RASA3: variants seen among roughly 807,000 people sequenced by gnomAD.
RASA3 encodes RAS p21 protein activator 3.
Under a neutral mutation model 110.0 loss-of-function variants are expected in RASA3, and 73 were observed. That is an observed-to-expected ratio of 0.66 (90% CI 0.55 to 0.81). RASA3 has a LOEUF of 0.81. Among genes scored for constraint, RASA3 ranks in the 30% least tolerant of loss-of-function variants. The pLI is 0.00. For missense variants in RASA3, 976 were observed against 1,113.2 expected (o/e 0.88, Z 1.75); for synonymous variants, 500 against 451.4 (o/e 1.11, Z -1.37).
chr13:113,981,790 C>T lies in RASA3; in HGVS notation c.2314G>A (p.Asp772Asn). Residue 772 changes from aspartate (D) to asparagine (N), a missense_variant, in exon 23 of 24, where the codon GAC becomes AAC. Transcript: ENST00000334062. Reference sequence around the variant, plus strand: ...AGCGTCTTGTAGGTCTCCTGGGGGTCGTCAATGACGAACGTCGAATACTCC... The same window carrying T: ...AGCGTCTTGTAGGTCTCCTGGGGGTTGTCAATGACGAACGTCGAATACTCC... ...QEEYSTFVID[D>N]PQETYKTLKQ... is the part of the protein sequence containing the mutation. The T allele has an allele frequency of 6.8e-6, 11 of 1,614,058 alleles. No homozygotes were observed. The highest frequency in any genetic ancestry group is 9.3e-6 in the Non-Finnish European group (11 of 1,179,974).
rs532299198 is a variant in RASA3 at position 114,026,682 on chromosome 13, T to C, written c.603+707A>G. Among the ~76,000 whole-genome samples the C allele has an allele frequency of 6.6e-4, 101 of 152,242 alleles. 1 individual carries two copies. Among genetic ancestry groups the C allele is most frequent in the Non-Finnish European group, 1.3e-3 (88 of 68,050 alleles). ...CCGACCCCTCAGATGTGACTGGCCA[T>C]GCTCTTGCCACAGAGGCCTCATCCA... On this transcript the variant is annotated intron_variant, in intron 7 of 23. Transcript: ENST00000334062.
Position 114,011,128 on chromosome 13 carries a change from A to T in RASA3, c.1590+43T>A. ...GTGTATTTTCTGAAGAGAGAAAAGA[A>T]TCAGTTGTCCCTAAAAAGAGAAAAT... On this transcript the variant is annotated intron_variant, in intron 16 of 23. Transcript: ENST00000334062. The surrounding 1 kb of genome is among the most constrained non-coding windows in gnomAD (Gnocchi z 4.8). The T allele has an allele frequency of 6.6e-7, 1 of 1,507,726 alleles. No individual in the cohort carries two copies. Among genetic ancestry groups the T allele is most frequent in the Non-Finnish European group, 9.2e-7 (1 of 1,088,244 alleles). 93.4% of individuals were successfully genotyped at this position (1,507,726 alleles called of 1,614,324 possible). A position where few individuals can be genotyped will look rare whatever the true frequency, so the allele number is the denominator to read the frequency against.
chr13:114,028,504 C>T (rs192025450), intron 5 of RASA3, among the ~76,000 whole-genome samples: 57 of 151,430 alleles, frequency 3.8e-4, no homozygotes, highest in African/African-American at 1.4e-3. Context: ...GAGCCAGGAC[C>T]TCTAAAACAG....
At chr13:114,041,884 C>T (rs747877781) in intron 3 of RASA3, among the ~76,000 whole-genome samples, 6 of 152,004 alleles carry the variant, frequency 3.9e-5, no homozygotes, top group Admixed American at 6.6e-5. Context: ...CTTCTCCAGA[C>T]GGAGGAGAAC....
chr13:114,109,154 C>A (rs1448133722), intron 1 of RASA3, among the ~76,000 whole-genome samples: 1 of 152,208 alleles, frequency 6.6e-6, no homozygotes, highest in East Asian at 1.9e-4. Flanking sequence ...CACACACGGG[C>A]CCCCGAACAC....
At position 114,014,050 on chromosome 13, in the gene RASA3, CCG is replaced by C. The variant is rs2053733710; in HGVS notation, c.1406-804_1406-803del. On this transcript the variant is annotated intron_variant, in intron 14 of 23. Coordinates refer to ENST00000334062, the MANE Select transcript of RASA3 (RefSeq NM_007368.4). This position sits in a 1 kb window ranked among gnomAD's most constrained non-coding sequence, Gnocchi z 4.5. ...TCTCTCTCCGTCTCTATCTCTCTCT[CCG>C]TCTGTCTCTGCCTCTCTCTCCGTCT... 8.1e-6 allele frequency among the ~76,000 whole-genome samples: 1 copy of C among 123,586 alleles called. No homozygotes were observed. The highest frequency in any genetic ancestry group is 1.9e-5 in the Non-Finnish European group (1 of 51,502). The allele number at this position is 123,586 out of a possible 152,430, so 81.1% of individuals were successfully genotyped here.
rs2079944866 is a variant in RASA3, at chr13:114,096,364, C to CCCACCCCCAGCT, written c.56-22528_56-22527insAGCTGGGGGTGG. ...ACAGTCACCTCAACAGCATCTCAGC[C>CCCACCCCCAGCT]GTTGTCCGACACTGGGTGATTCTGC... On this transcript the variant is annotated intron_variant, in intron 1 of 23. Transcript: ENST00000334062. This position sits in a 1 kb window ranked among gnomAD's most constrained non-coding sequence, Gnocchi z 5.1. 6.6e-6 allele frequency among the ~76,000 whole-genome samples: 1 copy of CCCACCCCCAGCT among 152,200 alleles called. No homozygotes were observed.
chr13:114,124,461 G>A (rs535893009), intron 1 of RASA3, among the ~76,000 whole-genome samples: 146 of 152,370 alleles, frequency 9.6e-4, no homozygotes, highest in African/African-American at 3.4e-3. Flanking sequence ...CGACGAGGGC[G>A]TTCCCGGGCA....
rs2079157530 is a variant in RASA3, at chr13:114,052,216, G to T, written c.174-61C>A. The T allele has an allele frequency of 2.6e-6, 3 of 1,139,254 alleles. No homozygotes were observed. In the African/African-American group the frequency reaches 4.6e-5, roughly 17 times the overall value. The allele number at this position is 1,139,254 out of a possible 1,614,324, so 70.6% of individuals were successfully genotyped here. A position where few individuals can be genotyped will look rare whatever the true frequency, so the allele number is the denominator to read the frequency against. On this transcript the variant is annotated intron_variant, in intron 2 of 23. Transcript: ENST00000334062. Reference sequence around the variant, plus strand: ...GGCCACGCTTGCGCCTCACCCCCGGGGCACACACGTGTGGTCTTAGTTTTA... The same window carrying T: ...GGCCACGCTTGCGCCTCACCCCCGGTGCACACACGTGTGGTCTTAGTTTTA...
intron 4 of RASA3, among the ~76,000 whole-genome samples, chr13:114,030,327 C>T (rs1357768195): frequency 6.7e-6 from 1 of 148,566 alleles, no homozygotes; most frequent in East Asian, 2.0e-4. Context: ...CGGATGGAGG[C>T]CCGCAGGAAC....
chr13:114,055,667 G>A (rs920960252), intron 2 of RASA3, among the ~76,000 whole-genome samples: 1 of 152,242 alleles, frequency 6.6e-6, no homozygotes, highest in South Asian at 2.1e-4. Context: ...GGCCACTGAG[G>A]CCTAAGTGAT....
intron 1 of RASA3, among the ~76,000 whole-genome samples, chr13:114,124,487 A>G (rs2080419898): frequency 6.6e-6 from 1 of 152,244 alleles, no homozygotes; most frequent in African/African-American, 2.4e-5. Context: ...GTGACTCTGA[A>G]ACTCATATCT....
At chr13:114,041,231 G>A (rs2054399307) in intron 3 of RASA3, 137 bp from the exon 4 acceptor site, 1 of 760,376 alleles carries the variant, frequency 1.3e-6, no homozygotes. Context: ...CCGGGTGCGG[G>A]GCTCATGCCT....
intron 14 of RASA3, among the ~76,000 whole-genome samples, chr13:114,013,576 G>GTC (rs539041789): frequency 9.4e-5 from 6 of 63,524 alleles, no homozygotes; most frequent in Non-Finnish European, 1.1e-4. Context: ...CCCTATCTCT[G>GTC]TCTCTCTCTC....
At chr13:114,012,964 ACACTCCCCACT>A (rs1169130860) in intron 15 of RASA3, among the ~76,000 whole-genome samples, 167 bp downstream of exon 15, 2 of 135,734 alleles carry the variant, frequency 1.5e-5, no homozygotes, top group East Asian at 2.2e-4. Flanking sequence ...CATTCCACAC[ACACTCCCCACT>A]CACTCCTCAT....
chr13:114,111,835 C>G lies in RASA3; in HGVS notation c.55+20600G>C, dbSNP rs148986744. ...CATCTGTGGTCAGGAGTTAGGACAT[C>G]CCCAGCTGCAATTTGAGCAAAGACG... On this transcript the variant is annotated intron_variant, in intron 1 of 23. Transcript: ENST00000334062. Among the ~76,000 whole-genome samples the G allele has an allele frequency of 2.4e-3, 366 of 152,226 alleles. 2 individuals carry two copies. The highest frequency in any genetic ancestry group is 8.2e-3 in the African/African-American group (342 of 41,546).
intron 22 of RASA3, among the ~76,000 whole-genome samples, chr13:113,982,922 C>G (rs912255006): frequency 6.6e-6 from 1 of 152,230 alleles, no homozygotes; most frequent in Admixed American, 6.5e-5. Flanking sequence ...TCTCAAGCTT[C>G]TCAGGCCTTC....
At chr13:114,040,409 T>C (rs9590531) in intron 4 of RASA3, among the ~76,000 whole-genome samples, 7 of 7,390 alleles carry the variant, frequency 9.5e-4, no homozygotes, top group African/African-American at 4.7e-3. Context: ...CCAAAATCCA[T>C]GGCAGAGACC....
chr13:114,054,478 A>T (rs1181997541), intron 2 of RASA3, among the ~76,000 whole-genome samples: 21 of 152,134 alleles, frequency 1.4e-4, no homozygotes, highest in Non-Finnish European at 1.5e-5. Flanking sequence ...GGAGGGGCCC[A>T]GAGTCCAGGT....
Sources: allele counts gnomAD v4.1 joint callset (sites outside exome capture counted in the v4.1 genomes callset), GRCh38; gene constraint gnomAD v4.1.1; non-coding constraint Gnocchi (gnomAD v3.1); transcripts MANE v1.5; gene names NCBI Gene and HGNC (gene_info 2026-07-23, HGNC 2026-07-21).